The following BANP variants were observed in gnomAD, a reference collection of about 807,000 sequenced individuals.
BANP encodes the protein BTG3 associated nuclear protein.
A neutral mutation model predicts 68.1 loss-of-function variants in BANP; 11 were observed. The ratio of observed to expected loss-of-function variants is 0.16; its 90% CI spans 0.10 to 0.27. The LOEUF is 0.27. Ranked by LOEUF, BANP falls within the 10% of genes least tolerant of loss-of-function variation. The pLI is 1.00. For synonymous variants in BANP, 329 were observed against 303.2 expected, an observed-to-expected ratio of 1.09 and a Z score of -0.88; for missense variants, 504 against 722.7, an observed-to-expected ratio of 0.70 and a Z score of 3.47.
intron 2 of BANP, 131 bp from the exon 3 acceptor site, chr16:87,980,905 T>A (rs2063130628): frequency 1.5e-6 from 1 of 649,372 alleles, no homozygotes; most frequent in Non-Finnish European, 2.7e-6. Flanking sequence ...TTTAAAAAGG[T>A]GAAATATGAG....
Position 87,957,372 on chromosome 16 carries a change from C to T in BANP, c.-69+5857C>T, listed in dbSNP as rs748818508. 6.6e-6 allele frequency among the ~76,000 whole-genome samples: 1 copy of T among 152,140 alleles called. No homozygotes were observed. Among genetic ancestry groups the T allele is most frequent in the African/African-American group, 2.4e-5 (1 of 41,424 alleles). ...CTGAGGAAGGCTGGGCAGAATGGAT[C>T]GGGGGTGTGTATTGGCTGCAGTCAC... is the stretch of plus-strand genomic sequence containing the variant. On this transcript the variant is annotated intron_variant, in intron 1 of 13. Transcript: ENST00000682872. This position sits in a 1 kb window ranked among gnomAD's most constrained non-coding sequence, Gnocchi z 4.3.
At chr16:88,055,225 A>G (rs1016500771) in intron 11 of BANP, among the ~76,000 whole-genome samples, 4 of 152,156 alleles carry the variant, frequency 2.6e-5, no homozygotes, top group Admixed American at 6.5e-5. Context: ...TGGAAAAGCT[A>G]GGAGGTATTT....
At position 88,003,839 on chromosome 16, in the gene BANP, A is replaced by G. The variant is rs545890085; in HGVS notation, c.363-456A>G. On this transcript the variant is annotated intron_variant, in intron 4 of 13. Transcript: ENST00000682872. This position sits in a 1 kb window ranked among gnomAD's most constrained non-coding sequence, Gnocchi z 6.1. ...GCTACCGTTTTGGAATGATACCAAC[A>G]CTTACGTGGTTACGAACGTTAGATC... The G allele has an allele frequency of 9.9e-6, 3 of 302,106 alleles. No individual in the cohort carries two copies. Among genetic ancestry groups the G allele is most frequent in the Admixed American group, 4.7e-5 (1 of 21,058 alleles). 18.7% of individuals were successfully genotyped at this position (302,106 alleles called of 1,614,324 possible).
rs151241927 is a variant in BANP, at chr16:87,958,583, G to A, written c.-69+7068G>A. Among the ~76,000 whole-genome samples the A allele has an allele frequency of 6.3e-3, 592 of 94,350 alleles. 2 individuals are homozygous for A. Among genetic ancestry groups the A allele is most frequent in the African/African-American group, 0.028 (550 of 19,322 alleles). 61.9% of individuals were successfully genotyped at this position (94,350 alleles called of 152,430 possible). On this transcript the variant is annotated intron_variant, in intron 1 of 13. Transcript: ENST00000682872. ...GGCATGGTGGCCCAAAGCTCCCAGC[G>A]CTTTGGGAAGCGGAAACTGGAGGAT...
chr16:88,035,762 C>G (rs1374330885), intron 10 of BANP, among the ~76,000 whole-genome samples: 1 of 152,232 alleles, frequency 6.6e-6, no homozygotes, highest in Non-Finnish European at 1.5e-5. Context: ...GCGTAGGTGA[C>G]CTGACATACC....
chr16:88,011,917 C>T (rs546250124), intron 6 of BANP, among the ~76,000 whole-genome samples: 4 of 152,232 alleles, frequency 2.6e-5, no homozygotes, highest in East Asian at 1.9e-4. Context: ...TTGAAGCATC[C>T]GTTATGTGAT....
Position 88,071,561 on chromosome 16 carries a change from TCAGTGCCC to T in BANP, c.1378-507_1378-500del. 2 of 457,138 alleles carry T rather than the reference TCAGTGCCC, an allele frequency of 4.4e-6. No homozygotes were observed. Among genetic ancestry groups the T allele is most frequent in the Non-Finnish European group, 8.8e-6 (2 of 227,312 alleles). The allele number at this position is 457,138 out of a possible 1,614,324, so 28.3% of individuals were successfully genotyped here. On this transcript the variant is annotated intron_variant, in intron 12 of 13. Transcript: ENST00000682872. The surrounding 1 kb of genome is among the most constrained non-coding windows in gnomAD (Gnocchi z 6.5). ...TTTCCTGCGAGCTTCTGCTGGGTTC[TCAGTGCCC>T]ACCAGCAGCTCCTTTGCTCTCCCTG... is the stretch of plus-strand genomic sequence containing the variant.
intron 12 of BANP, among the ~76,000 whole-genome samples, chr16:88,065,887 C>G (rs2088420116): frequency 6.6e-6 from 1 of 152,128 alleles, no homozygotes; most frequent in Non-Finnish European, 1.5e-5. Flanking sequence ...AGCGGAGCAG[C>G]TCCCCTCTGG....
chr16:88,026,049 C>G (rs1345032066), intron 7 of BANP, among the ~76,000 whole-genome samples: 3 of 152,342 alleles, frequency 2.0e-5, no homozygotes, highest in South Asian at 4.1e-4. Flanking sequence ...CTCCTGTCAC[C>G]TGCTCCGCCG....
chr16:88,051,135 C>G (rs1056680921), intron 11 of BANP, among the ~76,000 whole-genome samples: 1 of 152,252 alleles, frequency 6.6e-6, no homozygotes, highest in Non-Finnish European at 1.5e-5. Context: ...CGGGTCCCTC[C>G]CGTGTAGTGG....
At chr16:88,025,936 A>G (rs2076902267) in intron 7 of BANP, among the ~76,000 whole-genome samples, 2 of 152,206 alleles carry the variant, frequency 1.3e-5, no homozygotes, top group Admixed American at 6.5e-5. Flanking sequence ...AGGCCACTGC[A>G]TTGAAGAGCC....
At chr16:87,952,116 C>T (rs1373156651) in intron 1 of BANP, 1 of 152,290 alleles carries the variant, frequency 6.6e-6, no homozygotes, top group African/African-American at 2.4e-5. Context: ...CCCTCCCCAG[C>T]ACGTTTGTGC....
intron 4 of BANP, among the ~76,000 whole-genome samples, chr16:87,989,391 G>A (rs11866087): frequency 0.65 from 98,402 of 152,164 alleles, 32,379 homozygotes; most frequent in African/African-American, 0.73. Flanking sequence ...TGGTGCATTC[G>A]TTATGTCACA....
At chr16:87,962,787 G>A (rs918648823) in intron 1 of BANP, among the ~76,000 whole-genome samples, 1 of 152,096 alleles carries the variant, frequency 6.6e-6, no homozygotes, top group Non-Finnish European at 1.5e-5. Context: ...TCTAGCATCC[G>A]ATCAGTCATT....
chr16:87,971,574 TA>T (rs1302016037), intron 1 of BANP, among the ~76,000 whole-genome samples: 1 of 151,836 alleles, frequency 6.6e-6, no homozygotes, highest in Non-Finnish European at 1.5e-5. Context: ...CTTGGATGGC[TA>T]AAAAATTTTT....
rs939134384 is a variant in BANP at position 88,036,565 on chromosome 16, G to A, written c.1272+1171G>A. 4.6e-5 allele frequency among the ~76,000 whole-genome samples: 7 copies of A among 152,180 alleles called. No homozygotes were observed. The highest frequency in any genetic ancestry group is 8.8e-5 in the Non-Finnish European group (6 of 68,042). ...GGCAGTGGCTTTAATTTGGACACCA[G>A]CAGTTCCCGGTGGGTTATCCTGAGA... On this transcript the variant is annotated intron_variant, in intron 10 of 13. Transcript: ENST00000682872. This position sits in a 1 kb window ranked among gnomAD's most constrained non-coding sequence, Gnocchi z 4.2.
At chr16:88,069,728 C>G (rs2089818660) in intron 12 of BANP, among the ~76,000 whole-genome samples, 1 of 152,232 alleles carries the variant, frequency 6.6e-6, no homozygotes. Context: ...GCACGCACTT[C>G]ACAACGCTCT....
At chr16:88,044,430 C>T (rs72818538) in intron 11 of BANP, among the ~76,000 whole-genome samples, 11,143 of 152,278 alleles carry the variant, frequency 0.073, 631 homozygotes, top group African/African-American at 0.16. Flanking sequence ...GTCCACAGAA[C>T]GGTATTACTG....
intron 4 of BANP, among the ~76,000 whole-genome samples, chr16:87,989,098 G>C (rs1056444280): frequency 3.3e-5 from 5 of 152,070 alleles, no homozygotes; most frequent in East Asian, 1.9e-4. Context: ...AAATAACTTC[G>C]AGAACAAAGA....
Sources: gnomAD v4.1 joint callset for allele counts (sites outside exome capture counted in the v4.1 genomes callset) on GRCh38, gnomAD v4.1.1 for gene constraint, Gnocchi (gnomAD v3.1) non-coding constraint, MANE v1.5 for transcripts, NCBI Gene and HGNC (gene_info 2026-07-23, HGNC 2026-07-21) for gene names.